The following TPTE variants were observed in gnomAD, a reference collection of about 807,000 sequenced individuals.
TPTE encodes putative tyrosine-protein phosphatase TPTE.
In TPTE, 59 loss-of-function variants were observed where a neutral mutation model predicts 84.1. The ratio of observed to expected loss-of-function variants is 0.70; its 90% CI spans 0.57 to 0.87. TPTE has a LOEUF of 0.87. TPTE is among the 40% of genes least tolerant of loss of function. The pLI, the probability that TPTE is intolerant of heterozygous loss-of-function variation, is 0.00. For synonymous variants in TPTE, 130 were observed against 223.5 expected (o/e 0.58, Z 3.73); for missense variants, 382 against 659.6 (o/e 0.58, Z 4.61).
intron 6 of TPTE, among the ~76,000 whole-genome samples, chr21:10,542,869 G>A (rs1362720910): frequency 6.6e-6 from 1 of 152,304 alleles, no homozygotes; most frequent in Non-Finnish European, 1.5e-5. Context: ...TTCCTGTAAT[G>A]TATTTGCCAC....
chr21:10,542,023 TAAG>T (rs1183539959), intron 5 of TPTE, among the ~76,000 whole-genome samples: 4 of 152,306 alleles, frequency 2.6e-5, no homozygotes, highest in Admixed American at 1.3e-4. Context: ...TGGGTGAACA[TAAG>T]GAGCTAATGG....
intron 8 of TPTE, among the ~76,000 whole-genome samples, chr21:10,556,567 A>G (rs1309996279): frequency 6.6e-6 from 1 of 152,312 alleles, no homozygotes; most frequent in Non-Finnish European, 1.5e-5. Flanking sequence ...CAGTAATAGG[A>G]TGGCTGGGTC....
At chr21:10,604,859 C>G (rs1205153725) in intron 23 of TPTE, among the ~76,000 whole-genome samples, 1 of 152,304 alleles carries the variant, frequency 6.6e-6, no homozygotes, top group African/African-American at 2.4e-5. Flanking sequence ...TTACATCCTA[C>G]TTGGTAAAGC....
At chr21:10,541,369 G>T (rs1422085067) in intron 5 of TPTE, among the ~76,000 whole-genome samples, 1 of 152,308 alleles carries the variant, frequency 6.6e-6, no homozygotes, top group East Asian at 1.9e-4. Context: ...CTACTCAGGA[G>T]ACTGAGGCAG....
chr21:10,558,538 T>G (rs1312287221), intron 8 of TPTE, among the ~76,000 whole-genome samples: 1 of 152,238 alleles, frequency 6.6e-6, no homozygotes, highest in African/African-American at 2.4e-5. Context: ...GTTGGCCACA[T>G]GCATGTCTTC....
Position 10,591,121 on chromosome 21 carries a change from G to A in TPTE, c.1089+598G>A, listed in dbSNP as rs1476631940. On this transcript the variant is annotated intron_variant, in intron 18 of 23. Transcript: ENST00000618007. Reference sequence around the variant, plus strand: ...GCAACATTTCACAACTCAAAACAAAGCCTCTCCTGAATGTAAATATCTTTG... The same window carrying A: ...GCAACATTTCACAACTCAAAACAAAACCTCTCCTGAATGTAAATATCTTTG... Among the ~76,000 whole-genome samples the A allele has an allele frequency of 2.6e-5, 4 of 152,408 alleles. No individual in the cohort carries two copies. The South Asian group carries it at 6.2e-4, about 24-fold the overall frequency.
At chr21:10,529,136 A>G (rs1327717969) in intron 3 of TPTE, among the ~76,000 whole-genome samples, 3 of 152,290 alleles carry the variant, frequency 2.0e-5, no homozygotes, top group Non-Finnish European at 4.4e-5. Flanking sequence ...GTGAGCTGAG[A>G]CAGCACTGCT....
chr21:10,524,043 A>T (rs796257095), intron 1 of TPTE, among the ~76,000 whole-genome samples: 7 of 152,424 alleles, frequency 4.6e-5, no homozygotes, highest in African/African-American at 1.7e-4. Flanking sequence ...AGCTCGTTCT[A>T]TTCCCCATTC....
chr21:10,534,112 G>C (rs1450877349), intron 3 of TPTE, among the ~76,000 whole-genome samples: 1 of 152,308 alleles, frequency 6.6e-6, no homozygotes, highest in Admixed American at 6.5e-5. Context: ...TTACACACTA[G>C]GTTAGCTTGC....
chr21:10,587,854 TTTTG>T (rs1209651342), intron 17 of TPTE, among the ~76,000 whole-genome samples: 2 of 152,086 alleles, frequency 1.3e-5, no homozygotes, highest in African/African-American at 4.8e-5. Context: ...CCAGCCTATT[TTTTG>T]TTTGTTTTTG....
intron 10 of TPTE, among the ~76,000 whole-genome samples, chr21:10,561,804 A>T (rs1363982387): frequency 6.6e-6 from 1 of 152,306 alleles, no homozygotes; most frequent in Admixed American, 6.5e-5. Flanking sequence ...GTAGGCTAGG[A>T]GAACTTGCCA....
intron 7 of TPTE, among the ~76,000 whole-genome samples, chr21:10,548,715 T>C (rs11509396): frequency 3.9e-5 from 6 of 152,264 alleles, no homozygotes; most frequent in Admixed American, 3.9e-4. Context: ...ATATATTTGG[T>C]CCATGAGTTT....
intron 3 of TPTE, among the ~76,000 whole-genome samples, chr21:10,536,595 GAA>G (rs1316512735): frequency 1.3e-5 from 2 of 152,298 alleles, no homozygotes; most frequent in Admixed American, 6.5e-5. Context: ...GAGAGAAAGA[GAA>G]AAGAGAGAGA....
chr21:10,529,552 C>T (rs1190279858), intron 3 of TPTE, among the ~76,000 whole-genome samples: 1 of 152,308 alleles, frequency 6.6e-6, no homozygotes, highest in East Asian at 1.9e-4. Flanking sequence ...TAAATGCAAG[C>T]TCTTAGAATA....
At chr21:10,603,999 C>A (rs1978944345) in intron 23 of TPTE, among the ~76,000 whole-genome samples, 1 of 152,310 alleles carries the variant, frequency 6.6e-6, no homozygotes, top group African/African-American at 2.4e-5. Flanking sequence ...AATGATGAAC[C>A]ACCATCAACT....
chr21:10,544,271 T>G (rs1409649116), intron 7 of TPTE, among the ~76,000 whole-genome samples: 1 of 152,312 alleles, frequency 6.6e-6, no homozygotes, highest in Non-Finnish European at 1.5e-5. Flanking sequence ...AGTTGCTCAT[T>G]AAGCAATAGC....
At chr21:10,572,974 A>G (rs2075076596) in intron 14 of TPTE, among the ~76,000 whole-genome samples, 1 of 152,310 alleles carries the variant, frequency 6.6e-6, no homozygotes, top group African/African-American at 2.4e-5. Context: ...GACAGGATAA[A>G]GCCTCATCTA....
intron 7 of TPTE, among the ~76,000 whole-genome samples, chr21:10,548,453 G>C (rs1279271591): frequency 2.6e-5 from 4 of 152,310 alleles, no homozygotes; most frequent in Non-Finnish European, 5.9e-5. Flanking sequence ...CCTTAGGCCA[G>C]CCGAGCAGCC....
At chr21:10,538,884 C>T in intron 4 of TPTE, 150 bp downstream of exon 4, 1 of 1,559,346 alleles carries the variant, frequency 6.4e-7, no homozygotes, top group Non-Finnish European at 8.8e-7. Context: ...CTAACAAATC[C>T]ATGCATACAG....
Sources: allele counts gnomAD v4.1 joint callset (sites outside exome capture counted in the v4.1 genomes callset), GRCh38; gene constraint gnomAD v4.1.1; transcripts MANE v1.5; gene names NCBI Gene and HGNC (gene_info 2026-07-23, HGNC 2026-07-21).